Variants in CENPK observed in about 807,000 individuals in gnomAD.
The protein encoded by CENPK is centromere protein K, also known as SoxLZ/Sox6-binding protein Solt.
Under a neutral mutation model 40.9 loss-of-function variants are expected in CENPK, and 46 were observed. The ratio of observed to expected loss-of-function variants is 1.13; its 90% CI spans 0.89 to 1.44. The LOEUF is 1.44. CENPK is among the 40% of genes most tolerant of loss of function. CENPK has a pLI of 0.00. For missense variants in CENPK, 288 were observed against 303.5 expected, an observed-to-expected ratio of 0.95 and a Z score of 0.38; for synonymous variants, 107 against 104.4, an observed-to-expected ratio of 1.02 and a Z score of -0.15.
intron 6 of CENPK, among the ~76,000 whole-genome samples, chr5:65,532,842 G>A (rs1172638156): frequency 1.6e-5 from 2 of 123,806 alleles, no homozygotes; most frequent in Non-Finnish European, 3.2e-5. Flanking sequence ...CCAGGAGGTG[G>A]AGATTGCAGT....
downstream of CENPK, among the ~76,000 whole-genome samples, chr5:65,514,271 T>TTTA (rs1742709457): frequency 1.0e-5 from 1 of 95,476 alleles, no homozygotes; most frequent in African/African-American, 4.1e-5. Context: ...TAGTTTTTTT[T>TTTA]AGTTTTTTTT....
chr5:65,509,470 G>A, the CENPK span, among the ~76,000 whole-genome samples: 5,107 of 152,074 alleles, frequency 0.034, 289 homozygotes, highest in African/African-American at 0.12. Flanking sequence ...TAGCTTCATC[G>A]CTCCAAATAT....
At chr5:65,527,757 C>A (rs1744986678) in intron 9 of CENPK, among the ~76,000 whole-genome samples, 1 of 151,922 alleles carries the variant, frequency 6.6e-6, no homozygotes, top group African/African-American at 2.4e-5. Context: ...AAACCACCCA[C>A]AATCCTAGCT....
the CENPK span, among the ~76,000 whole-genome samples, chr5:65,508,659 G>A: frequency 8.6e-5 from 13 of 151,894 alleles, no homozygotes; most frequent in Admixed American, 3.3e-4. Flanking sequence ...GGTGGCAGAT[G>A]CCTGTAATCC....
intron 9 of CENPK, among the ~76,000 whole-genome samples, chr5:65,523,226 T>A (rs1381442075): frequency 6.6e-6 from 1 of 152,168 alleles, no homozygotes; most frequent in East Asian, 1.9e-4. Context: ...TTTGTAAACT[T>A]TGATAGCCAC....
At chr5:65,506,772 G>A in the CENPK span, among the ~76,000 whole-genome samples, 1 of 151,094 alleles carries the variant, frequency 6.6e-6, no homozygotes, top group East Asian at 1.9e-4. Context: ...GCAGCAGAGC[G>A]ACACTTGGTC....
At position 65,518,270 on chromosome 5, in the gene CENPK, T is replaced by C; in HGVS notation, c.*205A>G. The C allele has an allele frequency of 5.9e-6, 3 of 512,316 alleles. No homozygotes were observed. In the South Asian group the frequency reaches 7.9e-5, roughly 13 times the overall value. The allele number at this position is 512,316 out of a possible 1,614,324, so 31.7% of individuals were successfully genotyped here. On this transcript the variant is annotated 3_prime_UTR_variant, in exon 11 of 11. Transcript: ENST00000396679. ...TTATCTACCTGCATTCTTATCCATA[T>C]AGTTTAAAACACTAAAGCACTCACT...
intron 5 of CENPK, chr5:65,551,120 C>G: frequency 2.7e-6 from 1 of 365,080 alleles, no homozygotes; most frequent in South Asian, 2.0e-5. Context: ...CATGGTGGCA[C>G]ACACTTGTAG....
intron 6 of CENPK, among the ~76,000 whole-genome samples, chr5:65,539,603 GAGC>G (rs1365242660): frequency 6.6e-6 from 1 of 152,206 alleles, no homozygotes; most frequent in African/African-American, 2.4e-5. Flanking sequence ...CAGCTTTGCT[GAGC>G]AGGTGTTTGG....
At position 65,541,825 on chromosome 5, in the gene CENPK, A is replaced by G. The variant is rs1428361623; in HGVS notation, c.288+977T>C. 3.9e-5 allele frequency among the ~76,000 whole-genome samples: 6 copies of G among 152,162 alleles called. No individual in the cohort carries two copies. The East Asian group carries it at 1.2e-3, about 29-fold the overall frequency. ...GCTTCAGAATTTTTTGGTATTTGTT[A>G]TATAGTACCACCTCCACTTCTCAGT... On this transcript the variant is annotated intron_variant, in intron 6 of 10. Coordinates refer to ENST00000396679, the MANE Select transcript of CENPK (RefSeq NM_022145.5).
intron 9 of CENPK, among the ~76,000 whole-genome samples, chr5:65,524,898 A>G (rs1434943479): frequency 6.6e-6 from 1 of 152,190 alleles, no homozygotes; most frequent in African/African-American, 2.4e-5. Flanking sequence ...CCTAGAATTG[A>G]GATATGAAGT....
chr5:65,563,013 T>C (rs1752313425), intron 1 of CENPK, 85 bp downstream of exon 1: 1 of 218,430 alleles, frequency 4.6e-6, no homozygotes, highest in Non-Finnish European at 9.1e-6. Context: ...AGGTATCTAG[T>C]TGGCCGGCGA....
chr5:65,561,237 T>G lies in CENPK; in HGVS notation c.-40+226A>C, dbSNP rs1032214542. 15 of 254,492 alleles carry G rather than the reference T, an allele frequency of 5.9e-5. No homozygotes were observed. In the Admixed American group the frequency reaches 6.4e-4, roughly 11 times the overall value. 15.8% of individuals were successfully genotyped at this position (254,492 alleles called of 1,614,324 possible). ...ACAGTTTAAGTTCACAAAGCCAAAA[T>G]CAGTCATCATGAATTTTAGAATATT... On this transcript the variant is annotated intron_variant, in intron 2 of 10. Coordinates refer to ENST00000396679, the MANE Select transcript of CENPK (RefSeq NM_022145.5).
chr5:65,513,994 T>C (rs1561602804), downstream of CENPK, among the ~76,000 whole-genome samples: 1 of 152,138 alleles, frequency 6.6e-6, no homozygotes, highest in Non-Finnish European at 1.5e-5. Flanking sequence ...ACTCCTTTAG[T>C]GTGATAATGT....
chr5:65,550,201 T>G (rs2150504925), intron 5 of CENPK, among the ~76,000 whole-genome samples: 1 of 145,174 alleles, frequency 6.9e-6, no homozygotes, highest in African/African-American at 2.5e-5. Context: ...AAAAAAAAAT[T>G]TTCCTTTCCA....
chr5:65,498,980 A>C, the CENPK span, among the ~76,000 whole-genome samples: 1 of 151,682 alleles, frequency 6.6e-6, no homozygotes, highest in Non-Finnish European at 1.5e-5. Flanking sequence ...CTTCTTTCCT[A>C]ATATTCCAAG....
chr5:65,553,115 T>C (rs1013422693), intron 3 of CENPK, among the ~76,000 whole-genome samples: 1 of 151,750 alleles, frequency 6.6e-6, no homozygotes, highest in South Asian at 2.1e-4. Flanking sequence ...AATAAAAAGG[T>C]GGGGGGATTA....
chr5:65,554,011 T>C (rs962714824), intron 3 of CENPK, among the ~76,000 whole-genome samples: 1 of 152,224 alleles, frequency 6.6e-6, no homozygotes, highest in South Asian at 2.1e-4. Flanking sequence ...CTAATTTACA[T>C]TATCCATAAC....
downstream of CENPK, among the ~76,000 whole-genome samples, chr5:65,514,516 C>CA (rs574362239): frequency 4.6e-5 from 7 of 152,270 alleles, no homozygotes; most frequent in East Asian, 1.2e-3. Context: ...CCGCCCACCT[C>CA]AGCCTCCCAA....
Sources: allele counts gnomAD v4.1 joint callset (sites outside exome capture counted in the v4.1 genomes callset), GRCh38; gene constraint gnomAD v4.1.1; transcripts MANE v1.5; gene names NCBI Gene and HGNC (gene_info 2026-07-23, HGNC 2026-07-21).